GRIK5: variants seen among roughly 807,000 people sequenced by gnomAD.
GRIK5 encodes the protein glutamate ionotropic receptor kainate type subunit 5.
GRIK5 carries 43 observed loss-of-function variants against 97.4 expected under a neutral mutation model. The ratio of observed to expected loss-of-function variants is 0.44; its 90% CI spans 0.35 to 0.57. The LOEUF (loss-of-function observed/expected upper bound fraction) is 0.57. Ranked by LOEUF, GRIK5 falls within the 20% of genes least tolerant of loss-of-function variation. The probability of loss-of-function intolerance (pLI) is 0.01; values close to 1 mark genes in which losing one functional copy is unlikely to be tolerated. For synonymous variants in GRIK5, 580 were observed against 583.5 expected, an observed-to-expected ratio of 0.99 and a Z score of 0.09; for missense variants, 1,015 against 1,382.0, an observed-to-expected ratio of 0.73 and a Z score of 4.21.
Position 42,046,887 on chromosome 19 carries a change from A to G in GRIK5, c.1270-4132T>C, listed in dbSNP as rs369490927. Among the ~76,000 whole-genome samples the G allele has an allele frequency of 5.0e-4, 76 of 151,708 alleles. 3 individuals carry two copies. Among genetic ancestry groups the G allele is most frequent in the African/African-American group, 1.8e-3 (73 of 41,352 alleles). ...TGTATTAACTTCTGTCCCTTCCCCA[A>G]TTTTATTTATTTATTTTTGAGACAG... is the stretch of plus-strand genomic sequence containing the variant. On this transcript the variant is annotated intron_variant, in intron 11 of 19. Coordinates refer to ENST00000593562, the MANE Select transcript of GRIK5 (RefSeq NM_002088.5).
In GRIK5 at chr19:42,059,409, G is replaced by C; in HGVS notation, c.627C>G (p.Asp209Glu). ...CGTCGATGATGATGGTGGACACCTT[G>C]TCATCACGGATCTCCTTGAGCAGTG... is the stretch of plus-strand genomic sequence containing the variant. ...PTPLLKEIRD[D>E]KVSTIIIDAN... Residue 209 changes from aspartate to glutamate, a missense_variant, in exon 6 of 20, where the codon GAC becomes GAG. By Grantham distance (45) the Asp-to-Glu change is conservative. Around this residue, in one of 5 missense-constraint regions of GRIK5, gnomAD observed 477 missense variants for 701.1 expected, o/e 0.68. Coordinates refer to ENST00000593562, the MANE Select transcript of GRIK5 (RefSeq NM_002088.5). 6.2e-7 allele frequency: 1 copy of C among 1,613,830 alleles called. No individual in the cohort carries two copies. The highest frequency in any genetic ancestry group is 8.5e-7 in the Non-Finnish European group (1 of 1,179,786).
Position 42,021,871 on chromosome 19 carries a change from A to T in GRIK5, c.1697+76T>A. 4 of 891,728 alleles carry T rather than the reference A, an allele frequency of 4.5e-6. No homozygotes were observed. The highest frequency in any genetic ancestry group is 7.2e-6 in the Non-Finnish European group (4 of 556,308). 55.2% of individuals were successfully genotyped at this position (891,728 alleles called of 1,614,324 possible). A position where few individuals can be genotyped will look rare whatever the true frequency, so the allele number is the denominator to read the frequency against. ...GAGGCCAAGGACAGTTCCGAGAGAGAAGAGGCAGGTCGGTCCCAGAGGCCT... is the reference window on the plus strand; with the variant it reads ...GAGGCCAAGGACAGTTCCGAGAGAGTAGAGGCAGGTCGGTCCCAGAGGCCT... On this transcript the variant is annotated intron_variant, in intron 14 of 19. Transcript: ENST00000593562. The surrounding 1 kb of genome is among the most constrained non-coding windows in gnomAD (Gnocchi z 4.2).
intron 12 of GRIK5, among the ~76,000 whole-genome samples, chr19:42,036,216 C>A (rs1407092280): frequency 6.6e-6 from 1 of 152,022 alleles, no homozygotes; most frequent in Admixed American, 6.6e-5. Flanking sequence ...CACACCACTA[C>A]GCCTGGCTAA....
intron 5 of GRIK5, among the ~76,000 whole-genome samples, chr19:42,061,653 G>C (rs953256680): frequency 2.0e-5 from 3 of 152,110 alleles, no homozygotes; most frequent in African/African-American, 7.2e-5. Flanking sequence ...CCTTGGCAAA[G>C]GCCTTGCACC....
At chr19:42,050,607 G>A (rs1481745902) in intron 11 of GRIK5, among the ~76,000 whole-genome samples, 6 of 149,300 alleles carry the variant, frequency 4.0e-5, no homozygotes, top group South Asian at 2.1e-4. Context: ...GCAGTGAGCC[G>A]AGATCGCGCC....
chr19:42,059,238 G>C, intron 6 of GRIK5, 111 bp downstream of exon 6: 2 of 761,328 alleles, frequency 2.6e-6, no homozygotes, highest in Non-Finnish European at 4.4e-6. Context: ...GGAAGAAGAA[G>C]GTCTTGAAGC....
At chr19:42,046,792 G>A (rs2076048167) in intron 11 of GRIK5, among the ~76,000 whole-genome samples, 1 of 152,080 alleles carries the variant, frequency 6.6e-6, no homozygotes, top group African/African-American at 2.4e-5. Flanking sequence ...GAGAGACCCA[G>A]GGAAGGAAGG....
At position 42,021,362 on chromosome 19, in the gene GRIK5, T is replaced by C; in HGVS notation, c.1810A>G (p.Met604Val). 1 of 1,613,698 alleles carries C rather than the reference T, an allele frequency of 6.2e-7. No homozygotes were observed. Among genetic ancestry groups the C allele is most frequent in the Non-Finnish European group, 8.5e-7 (1 of 1,179,892 alleles). Reference sequence around the variant, plus strand: ...GGCATGATCTCCGAGCCCTGCTGCATGAAGCCCCCCACGGGAAACCACAGG... The same window carrying C: ...GGCATGATCTCCGAGCCCTGCTGCACGAAGCCCCCCACGGGAAACCACAGG... ...NSLWFPVGGF[M>V]QQGSEIMPRA... The change falls in exon 15 of 20, where the codon ATG becomes GTG. Residue 604 changes from methionine (M) to valine (V), a missense_variant. By Grantham distance (21) the Met-to-Val change is conservative. Around this residue, in one of 5 missense-constraint regions of GRIK5, gnomAD observed 477 missense variants for 701.1 expected, o/e 0.68. Transcript: ENST00000593562. The surrounding 1 kb of genome is among the most constrained non-coding windows in gnomAD (Gnocchi z 4.2).
chr19:42,022,634 A>T lies in GRIK5; in HGVS notation c.1474-280T>A, dbSNP rs190191330. On this transcript the variant is annotated intron_variant, in intron 12 of 19. Transcript: ENST00000593562. This position sits in a 1 kb window ranked among gnomAD's most constrained non-coding sequence, Gnocchi z 4.2. Reference sequence around the variant, plus strand: ...TCCCAGCATCAAGGGCTGGGGATGGAGGGGTTCCCCAAACTCCAATTCAAG... The same window carrying T: ...TCCCAGCATCAAGGGCTGGGGATGGTGGGGTTCCCCAAACTCCAATTCAAG... The T allele has an allele frequency of 3.9e-5, 38 of 984,986 alleles. No individual in the cohort carries two copies. In the African/African-American group the frequency reaches 6.5e-4, roughly 17 times the overall value. The allele number at this position is 984,986 out of a possible 1,614,324, so 61.0% of individuals were successfully genotyped here.
At chr19:42,063,109 A>G (rs2076283047) in intron 3 of GRIK5, among the ~76,000 whole-genome samples, 1 of 152,174 alleles carries the variant, frequency 6.6e-6, no homozygotes, top group South Asian at 2.1e-4. Flanking sequence ...AAAGGAAGGG[A>G]TGAAGAGAAA....
intron 12 of GRIK5, among the ~76,000 whole-genome samples, chr19:42,037,424 A>T (rs946654920): frequency 1.5e-4 from 23 of 152,208 alleles, no homozygotes; most frequent in African/African-American, 5.5e-4. Context: ...ACGCCACTGC[A>T]CTCCAGCCTG....
Position 41,998,841 on chromosome 19 carries a change from G to C in GRIK5, c.*30C>G, listed in dbSNP as rs1312236004. On this transcript the variant is annotated 3_prime_UTR_variant, in exon 20 of 20. Coordinates refer to ENST00000593562, the MANE Select transcript of GRIK5 (RefSeq NM_002088.5). ...GGGGCGGGCCCCGTCCCTTCGGTCA[G>C]TCCGGGCGCCCGCACAGCCCCGCCC... The C allele has an allele frequency of 1.8e-6, 2 of 1,098,960 alleles. No individual in the cohort carries two copies. The highest frequency in any genetic ancestry group is 1.1e-6 in the Non-Finnish European group (1 of 897,932). 68.1% of individuals were successfully genotyped at this position (1,098,960 alleles called of 1,614,324 possible).
At chr19:42,033,317 CAAAAAA>C (rs1006793815) in intron 12 of GRIK5, among the ~76,000 whole-genome samples, 1 of 42,202 alleles carries the variant, frequency 2.4e-5, no homozygotes, top group African/African-American at 9.2e-5. Flanking sequence ...GACTCCGTCT[CAAAAAA>C]AAAAAAAAAA....
chr19:42,046,885 C>T (rs2076049426), intron 11 of GRIK5, among the ~76,000 whole-genome samples: 1 of 151,938 alleles, frequency 6.6e-6, no homozygotes, highest in Non-Finnish European at 1.5e-5. Context: ...GTCCCTTCCC[C>T]AATTTTATTT....
At position 42,042,197 on chromosome 19, in the gene GRIK5, C is replaced by T. The variant is rs1471590924; in HGVS notation, c.1473+355G>A. Among the ~76,000 whole-genome samples, 1 of 152,256 alleles carries T rather than the reference C, an allele frequency of 6.6e-6. No homozygotes were observed. The highest frequency in any genetic ancestry group is 2.4e-5 in the African/African-American group (1 of 41,474). On this transcript the variant is annotated intron_variant, in intron 12 of 19. Coordinates refer to ENST00000593562, the MANE Select transcript of GRIK5 (RefSeq NM_002088.5). The surrounding 1 kb of genome is among the most constrained non-coding windows in gnomAD (Gnocchi z 6.9). ...TCCCTGCTCTCAGCCCTGCCTCCTG[C>T]AGGAAGCCTTTGACCTCCTCAGACC...
chr19:42,039,839 G>A (rs577306441), intron 12 of GRIK5, among the ~76,000 whole-genome samples: 114 of 152,030 alleles, frequency 7.5e-4, no homozygotes, highest in African/African-American at 2.7e-3. Context: ...AATTACCTAG[G>A]CATTATGGCA....
At chr19:42,061,944 T>C (rs1320850883) in intron 5 of GRIK5, among the ~76,000 whole-genome samples, 1 of 152,212 alleles carries the variant, frequency 6.6e-6, no homozygotes, top group Non-Finnish European at 1.5e-5. Flanking sequence ...TTTCAGCCAC[T>C]GGGAGTATCT....
intron 19 of GRIK5, among the ~76,000 whole-genome samples, chr19:42,000,837 G>C (rs2075417439): frequency 6.6e-6 from 1 of 152,182 alleles, no homozygotes; most frequent in African/African-American, 2.4e-5. Context: ...TCCTTGGAGA[G>C]GTCCTTGTCT....
intron 19 of GRIK5, chr19:42,001,760 G>A (rs2075425516): frequency 4.3e-6 from 1 of 232,886 alleles, no homozygotes; most frequent in East Asian, 1.1e-4. Context: ...TGGACCCACA[G>A]AAACTGTGAA....
Sources: allele counts gnomAD v4.1 joint callset (sites outside exome capture counted in the v4.1 genomes callset), GRCh38; gene constraint gnomAD v4.1.1; regional missense constraint gnomAD v4.1.1; non-coding constraint Gnocchi (gnomAD v3.1); transcripts MANE v1.5; gene names NCBI Gene and HGNC (gene_info 2026-07-23, HGNC 2026-07-21).